Variants in RGS6 observed in about 807,000 individuals in gnomAD.
RGS6 encodes regulator of G protein signaling 6, also known as regulator of G-protein signaling 6.
A neutral mutation model predicts 78.5 loss-of-function variants in RGS6; 30 were observed. That is an observed-to-expected ratio of 0.38 (90% CI 0.29 to 0.52). The LOEUF is 0.52. RGS6 is among the 20% of genes least tolerant of loss of function. RGS6 has a pLI of 0.85. For synonymous variants in RGS6, 206 were observed against 206.0 expected (o/e 1.00, Z 0.00); for missense variants, 495 against 609.7 (o/e 0.81, Z 1.98).
At chr14:72,402,149 C>A (rs1596911645) in intron 3 of RGS6, among the ~76,000 whole-genome samples, 2 of 152,270 alleles carry the variant, frequency 1.3e-5, no homozygotes, top group Non-Finnish European at 2.9e-5. Context: ...CTTGGCTGAA[C>A]CCAGCCAGAA....
intron 3 of RGS6, among the ~76,000 whole-genome samples, chr14:72,396,472 A>G (rs540987583): frequency 6.6e-6 from 1 of 151,938 alleles, no homozygotes; most frequent in East Asian, 1.9e-4. Context: ...AGGTTGCAAA[A>G]ATTTTCTTCC....
chr14:72,102,139 A>T (rs2095541200), intron 2 of RGS6, among the ~76,000 whole-genome samples: 2 of 152,224 alleles, frequency 1.3e-5, no homozygotes, highest in African/African-American at 4.8e-5. Flanking sequence ...ATCTCTGGGT[A>T]TATTGAAGAC....
intron 3 of RGS6, among the ~76,000 whole-genome samples, chr14:72,377,595 A>G (rs956796827): frequency 6.6e-6 from 1 of 152,224 alleles, no homozygotes; most frequent in Non-Finnish European, 1.5e-5. Flanking sequence ...GCTGCAGAAT[A>G]TGCATTTTTT....
chr14:72,059,394 T>C lies in RGS6; in HGVS notation c.84+94519T>C, dbSNP rs1414777323. On this transcript the variant is annotated intron_variant, in intron 2 of 17. Coordinates refer to ENST00000553525, the MANE Select transcript of RGS6 (RefSeq NM_001204424.2). Reference sequence around the variant, plus strand: ...GCAGGGACTTTGGGATGGAGTCTAATGATAACTTGTCACATGTTCTTTTAG... The same window carrying C: ...GCAGGGACTTTGGGATGGAGTCTAACGATAACTTGTCACATGTTCTTTTAG... 3.3e-5 allele frequency among the ~76,000 whole-genome samples: 5 copies of C among 152,232 alleles called. No homozygotes were observed. In the South Asian group the frequency reaches 8.3e-4, roughly 25 times the overall value.
chr14:72,343,034 A>G (rs139679277), intron 2 of RGS6, among the ~76,000 whole-genome samples: 3 of 152,336 alleles, frequency 2.0e-5, no homozygotes, highest in African/African-American at 7.2e-5. Context: ...TTTGGAGACA[A>G]TGCAGAATAC....
At chr14:72,258,906 C>G (rs1377419528) in intron 2 of RGS6, among the ~76,000 whole-genome samples, 1 of 152,106 alleles carries the variant, frequency 6.6e-6, no homozygotes, top group African/African-American at 2.4e-5. Context: ...TAGGAATGAG[C>G]CACAAATTTG....
At chr14:72,414,517 C>T (rs2153072003) in intron 3 of RGS6, among the ~76,000 whole-genome samples, 2 of 152,266 alleles carry the variant, frequency 1.3e-5, no homozygotes, top group African/African-American at 2.4e-5. Context: ...CGAACTTCCT[C>T]CTTTAGCTGG....
intron 2 of RGS6, among the ~76,000 whole-genome samples, chr14:72,234,425 A>T (rs1218162227): frequency 6.6e-6 from 1 of 152,192 alleles, no homozygotes; most frequent in Non-Finnish European, 1.5e-5. Flanking sequence ...AAGAAAAAAA[A>T]AACAATTCTG....
the RGS6 span, among the ~76,000 whole-genome samples, chr14:72,605,946 C>G: frequency 6.6e-6 from 1 of 152,132 alleles, no homozygotes; most frequent in Non-Finnish European, 1.5e-5. Context: ...CAATAGAAGA[C>G]ACAGATCAAA....
At chr14:72,458,226 A>C (rs1456192322) in intron 4 of RGS6, 45 bp from the exon 5 acceptor site, 1 of 1,483,196 alleles carries the variant, frequency 6.7e-7, no homozygotes, top group Admixed American at 1.8e-5. Flanking sequence ...TCAGCCAAAT[A>C]ACCTGCTTTC....
chr14:72,111,959 T>C (rs1375075740), intron 2 of RGS6, among the ~76,000 whole-genome samples: 1 of 152,218 alleles, frequency 6.6e-6, no homozygotes, highest in Non-Finnish European at 1.5e-5. Context: ...CTACTGCCAA[T>C]TTATCGGTTT....
intron 3 of RGS6, among the ~76,000 whole-genome samples, chr14:72,370,192 A>G (rs1317011269): frequency 1.3e-5 from 2 of 152,138 alleles, no homozygotes; most frequent in Admixed American, 1.3e-4. Flanking sequence ...GAGAGTTAAC[A>G]AGAGAATAAA....
At chr14:72,601,009 A>G in the RGS6 span, among the ~76,000 whole-genome samples, 1 of 131,594 alleles carries the variant, frequency 7.6e-6, no homozygotes, top group South Asian at 2.6e-4. Flanking sequence ...GAGGGGGGAG[A>G]GGAGGAGGAG....
chr14:71,926,769 C>A, the RGS6 span, among the ~76,000 whole-genome samples: 24 of 152,116 alleles, frequency 1.6e-4, no homozygotes, highest in African/African-American at 5.3e-4. Context: ...GTTATGCATT[C>A]AATTTTAGTG....
At chr14:72,588,472 G>A in the RGS6 span, among the ~76,000 whole-genome samples, 2 of 152,116 alleles carry the variant, frequency 1.3e-5, no homozygotes, top group South Asian at 4.2e-4. Flanking sequence ...TCAGTTTGAG[G>A]CAAATTCTAG....
the RGS6 span, among the ~76,000 whole-genome samples, chr14:72,590,957 T>G: frequency 1.3e-5 from 2 of 152,278 alleles, no homozygotes; most frequent in Non-Finnish European, 2.9e-5. Context: ...TATACCATTT[T>G]TATTTACTAT....
chr14:72,145,309 G>A (rs1181523870), intron 2 of RGS6, among the ~76,000 whole-genome samples: 3 of 152,308 alleles, frequency 2.0e-5, no homozygotes, highest in South Asian at 2.1e-4. Flanking sequence ...GGGGGTCTAC[G>A]TGGGAAAGGG....
chr14:71,993,364 G>A (rs1845457878), intron 2 of RGS6, among the ~76,000 whole-genome samples: 2 of 152,086 alleles, frequency 1.3e-5, no homozygotes, highest in Admixed American at 1.3e-4. Context: ...ATGTATTCAT[G>A]GAGTCTAGAT....
At chr14:72,234,459 C>T (rs1472427991) in intron 2 of RGS6, among the ~76,000 whole-genome samples, 1 of 152,114 alleles carries the variant, frequency 6.6e-6, no homozygotes, top group Non-Finnish European at 1.5e-5. Flanking sequence ...TATGTTCTCT[C>T]ATCAGTGCAT....
Sources: allele counts gnomAD v4.1 joint callset (sites outside exome capture counted in the v4.1 genomes callset), GRCh38; gene constraint gnomAD v4.1.1; transcripts MANE v1.5; gene names NCBI Gene and HGNC (gene_info 2026-07-23, HGNC 2026-07-21).